Variants in RAB21 observed in about 807,000 individuals in gnomAD.
RAB21 encodes the protein RAB21, member RAS oncogene family, also known as ras-related protein Rab-21.
A neutral mutation model predicts 33.1 loss-of-function variants in RAB21; 13 were observed. The observed-to-expected ratio is 0.39, with a 90% confidence interval of 0.26 to 0.62. The LOEUF (loss-of-function observed/expected upper bound fraction) is 0.62. RAB21 is among the 20% of genes least tolerant of loss of function. The probability of loss-of-function intolerance (pLI) is 0.48; values close to 1 mark genes in which losing one functional copy is unlikely to be tolerated. For missense variants in RAB21, 234 were observed against 279.1 expected (o/e 0.84, Z 1.15); for synonymous variants, 91 against 103.7 (o/e 0.88, Z 0.74).
At chr12:71,783,759 A>C (rs940547949) in intron 6 of RAB21, among the ~76,000 whole-genome samples, 11 of 152,170 alleles carry the variant, frequency 7.2e-5, no homozygotes, top group African/African-American at 2.7e-4. Context: ...GCATATTTTG[A>C]TTTAATAGGT....
In RAB21 at chr12:71,789,289, G is replaced by A. The variant is rs1883343333; in HGVS notation, c.*3616G>A. ...ATTAAGAACATTTTAAAAATGGATTGTGATACTGTTTATTTCTTTAATTAT... is the reference window on the plus strand; with the variant it reads ...ATTAAGAACATTTTAAAAATGGATTATGATACTGTTTATTTCTTTAATTAT... On this transcript the variant is annotated 3_prime_UTR_variant, in exon 7 of 7. Coordinates refer to ENST00000261263, the MANE Select transcript of RAB21 (RefSeq NM_014999.4). The A allele has an allele frequency of 6.6e-6, 1 of 152,002 alleles. No homozygotes were observed. The highest frequency in any genetic ancestry group is 2.4e-5 in the African/African-American group (1 of 41,416). The allele number at this position is 152,002 out of a possible 1,614,324, so 9.4% of individuals were successfully genotyped here.
At chr12:71,778,326 T>C (rs1180548380) in intron 4 of RAB21, among the ~76,000 whole-genome samples, 1 of 152,214 alleles carries the variant, frequency 6.6e-6, no homozygotes, top group Non-Finnish European at 1.5e-5. Flanking sequence ...TGAACAAATA[T>C]TTATTATTAA....
rs374009309 is a variant in RAB21, at chr12:71,787,648, G to T, written c.*1975G>T. On this transcript the variant is annotated 3_prime_UTR_variant, in exon 7 of 7. Coordinates refer to ENST00000261263, the MANE Select transcript of RAB21 (RefSeq NM_014999.4). The stretch of plus-strand genomic sequence containing the variant: ...TTGGAATTTTAACTTAAACTGGGAG[G>T]CATTCTGTGAGCCTTCACTTTACCT... 5.3e-5 allele frequency: 8 copies of T among 152,252 alleles called. No individual in the cohort carries two copies. In the East Asian group the frequency reaches 1.3e-3, roughly 26 times the overall value. The allele number at this position is 152,252 out of a possible 1,614,324, so 9.4% of individuals were successfully genotyped here. A position where few individuals can be genotyped will look rare whatever the true frequency, so the allele number is the denominator to read the frequency against.
At position 71,787,370 on chromosome 12, in the gene RAB21, AATAT is replaced by A. The variant is rs914571237; in HGVS notation, c.*1704_*1707del. ...GATTAACATAAATTGTTCTTGTTCT[AATAT>A]ATATATTTTTTCATTTCTGTCGTGC... On this transcript the variant is annotated 3_prime_UTR_variant, in exon 7 of 7. Coordinates refer to ENST00000261263, the MANE Select transcript of RAB21 (RefSeq NM_014999.4). 1.3e-5 allele frequency: 2 copies of A among 152,092 alleles called. No homozygotes were observed. The highest frequency in any genetic ancestry group is 4.8e-5 in the African/African-American group (2 of 41,414). The allele number at this position is 152,092 out of a possible 1,614,324, so 9.4% of individuals were successfully genotyped here. A position where few individuals can be genotyped will look rare whatever the true frequency, so the allele number is the denominator to read the frequency against.
chr12:71,763,080 G>A (rs1882901833), intron 1 of RAB21, among the ~76,000 whole-genome samples: 1 of 137,270 alleles, frequency 7.3e-6, no homozygotes, highest in Non-Finnish European at 1.6e-5. Context: ...TTAGCAACTA[G>A]CAAGAATATT....
At chr12:71,781,994 T>A in intron 4 of RAB21, 37 bp from the exon 5 acceptor site, 1 of 1,449,540 alleles carries the variant, frequency 6.9e-7, no homozygotes, top group Non-Finnish European at 9.5e-7. Flanking sequence ...TGAAAATAAA[T>A]CAGTATAAAG....
At chr12:71,777,411 A>G (rs889713407) in intron 4 of RAB21, among the ~76,000 whole-genome samples, 2 of 152,154 alleles carry the variant, frequency 1.3e-5, no homozygotes, top group Non-Finnish European at 2.9e-5. Flanking sequence ...ACTTTAATCT[A>G]TGAATACTCC....
chr12:71,755,624 A>G (rs1478092296), intron 1 of RAB21, among the ~76,000 whole-genome samples: 1 of 152,148 alleles, frequency 6.6e-6, no homozygotes, highest in Non-Finnish European at 1.5e-5. Flanking sequence ...CAGTCTCCAA[A>G]TGTTAGCTCC....
At chr12:71,770,551 A>G (rs757505083) in intron 2 of RAB21, 41 bp from the exon 3 acceptor site, 1 of 1,360,988 alleles carries the variant, frequency 7.3e-7, no homozygotes, top group Admixed American at 1.7e-5. Context: ...GCAGATTTGT[A>G]TTTTTCTTCT....
At chr12:71,765,066 C>T (rs1262417544) in intron 1 of RAB21, among the ~76,000 whole-genome samples, 1 of 152,110 alleles carries the variant, frequency 6.6e-6, no homozygotes, top group African/African-American at 2.4e-5. Context: ...TTCTAGTTTA[C>T]GTTCCCACCA....
chr12:71,785,689 A>T lies in RAB21; in HGVS notation c.*16A>T. The stretch of plus-strand genomic sequence containing the variant: ...TTCTGGATAACTGTTCACGCCTAAG[A>T]AATTAAAAGACAGAACAAAACTGTG... On this transcript the variant is annotated 3_prime_UTR_variant, in exon 7 of 7. Coordinates refer to ENST00000261263, the MANE Select transcript of RAB21 (RefSeq NM_014999.4). The T allele has an allele frequency of 6.2e-7, 1 of 1,613,964 alleles. No individual in the cohort carries two copies. Among genetic ancestry groups the T allele is most frequent in the Non-Finnish European group, 8.5e-7 (1 of 1,179,922 alleles).
chr12:71,779,021 A>G (rs969296882), intron 4 of RAB21, among the ~76,000 whole-genome samples: 1 of 152,360 alleles, frequency 6.6e-6, no homozygotes, highest in East Asian at 1.9e-4. Flanking sequence ...GATGAATGTC[A>G]TTAATATTAA....
rs1446287952 is a variant in RAB21, at chr12:71,780,030, T to G, written c.392-2001T>G. Among the ~76,000 whole-genome samples, 4 of 152,180 alleles carry G rather than the reference T, an allele frequency of 2.6e-5. No homozygotes were observed. The East Asian group carries it at 7.7e-4, about 29-fold the overall frequency. On this transcript the variant is annotated intron_variant, in intron 4 of 6. Transcript: ENST00000261263. ...TGTGAACACTGATTATTCAAAGAAA[T>G]AATAGTTATTTAGATTTAAAATATT...
At chr12:71,775,407 A>G (rs1230421748) in intron 4 of RAB21, among the ~76,000 whole-genome samples, 1 of 152,182 alleles carries the variant, frequency 6.6e-6, no homozygotes, top group Non-Finnish European at 1.5e-5. Flanking sequence ...CTTTCTTTCT[A>G]CATACCTGAT....
At position 71,773,956 on chromosome 12, in the gene RAB21, C is replaced by T; in HGVS notation, c.328-3C>T. 6.3e-7 allele frequency: 1 copy of T among 1,581,776 alleles called. No homozygotes were observed. Among genetic ancestry groups the T allele is most frequent in the South Asian group, 1.1e-5 (1 of 87,130 alleles). On this transcript the variant is annotated splice_polypyrimidine_tract_variant and splice_region_variant and intron_variant, in intron 3 of 6. Coordinates refer to ENST00000261263, the MANE Select transcript of RAB21 (RefSeq NM_014999.4). The stretch of plus-strand genomic sequence containing the variant: ...TTTAATATGTGCTCTTTTGTATATA[C>T]AGGTAAAAAACTGGGTCAAAGAATT...
rs1360045245 is a variant in RAB21, at chr12:71,794,443, T to A, written c.*8770T>A. On this transcript the variant is annotated 3_prime_UTR_variant, in exon 7 of 7. Transcript: ENST00000261263. ...TATATATATATTTTTTTTTTTTTTT[T>A]TTTTTTTTTTTTTGAGACGGAGTCT... is the stretch of plus-strand genomic sequence containing the variant. 73 of 115,002 alleles carry A rather than the reference T, an allele frequency of 6.3e-4. No individual in the cohort carries two copies. The highest frequency in any genetic ancestry group is 4.8e-3 in the South Asian group (15 of 3,136). 7.1% of individuals were successfully genotyped at this position (115,002 alleles called of 1,614,324 possible).
chr12:71,778,974 T>C (rs1883159138), intron 4 of RAB21, among the ~76,000 whole-genome samples: 1 of 152,184 alleles, frequency 6.6e-6, no homozygotes, highest in African/African-American at 2.4e-5. Flanking sequence ...TTAATTGTCT[T>C]ACAACAATAT....
intron 1 of RAB21, among the ~76,000 whole-genome samples, chr12:71,761,427 C>T (rs192752463): frequency 2.4e-3 from 362 of 152,204 alleles, no homozygotes; most frequent in Non-Finnish European, 4.0e-3. Flanking sequence ...ACCTGTAAGC[C>T]CAGCACTTTG....
rs1328515935 is a variant in RAB21 at position 71,769,554 on chromosome 12, GA to G, written c.160-239del. ...CCACATAGATAAGGAAAAATATTAA[GA>G]AAAAAATACTTATTTTCTGTGTGTT... On this transcript the variant is annotated intron_variant, in intron 1 of 6. Coordinates refer to ENST00000261263, the MANE Select transcript of RAB21 (RefSeq NM_014999.4). Among the ~76,000 whole-genome samples, 18 of 151,816 alleles carry G rather than the reference GA, an allele frequency of 1.2e-4. No homozygotes were observed. The South Asian group carries it at 2.3e-3, about 19-fold the overall frequency.
Sources: allele counts gnomAD v4.1 joint callset (sites outside exome capture counted in the v4.1 genomes callset), GRCh38; gene constraint gnomAD v4.1.1; transcripts MANE v1.5; gene names NCBI Gene and HGNC (gene_info 2026-07-23, HGNC 2026-07-21).